Variants in SCRG1 observed in about 807,000 individuals in gnomAD.
SCRG1 encodes the protein scrapie-responsive protein 1.
Under a neutral mutation model 7.7 loss-of-function variants are expected in SCRG1, and 3 were observed. The observed-to-expected ratio is 0.39, with a 90% CI of 0.18 to 1.01. SCRG1 has a LOEUF of 1.01. Ranked by LOEUF, SCRG1 falls within the 50% of genes least tolerant of loss-of-function variation. The pLI is 0.36. For missense variants in SCRG1, 110 were observed against 117.2 expected (o/e 0.94, Z 0.28); for synonymous variants, 46 against 41.2 (o/e 1.12, Z -0.44).
chr4:173,508,024 G>A, the SCRG1 span, among the ~76,000 whole-genome samples: 6 of 152,174 alleles, frequency 3.9e-5, no homozygotes, highest in Non-Finnish European at 8.8e-5. The surrounding 1 kb of genome is among the most constrained non-coding windows in gnomAD (Gnocchi z 4.4). Context: ...TGGATGGAGG[G>A]TGAGATGGGT....
chr4:173,433,681 T>C, the SCRG1 span, among the ~76,000 whole-genome samples: 1 of 152,228 alleles, frequency 6.6e-6, no homozygotes. Context: ...GTGGCCTTTC[T>C]CTGGGCAGCA....
upstream of SCRG1, among the ~76,000 whole-genome samples, chr4:173,409,793 T>G (rs575680881): frequency 1.1e-4 from 16 of 152,184 alleles, no homozygotes; most frequent in Non-Finnish European, 2.1e-4. Flanking sequence ...TTCACCATGT[T>G]GCCCAGGCTG....
At chr4:173,516,470 G>A in the SCRG1 span, among the ~76,000 whole-genome samples, 1 of 152,172 alleles carries the variant, frequency 6.6e-6, no homozygotes, top group Non-Finnish European at 1.5e-5. Flanking sequence ...TGGTATCAAG[G>A]ACGAGTTAGG....
chr4:173,508,103 A>G, the SCRG1 span, among the ~76,000 whole-genome samples: 3 of 152,210 alleles, frequency 2.0e-5, no homozygotes, highest in African/African-American at 7.2e-5. The surrounding 1 kb of genome is among the most constrained non-coding windows in gnomAD (Gnocchi z 4.4). Flanking sequence ...AGCCCGAGAA[A>G]AGCCCTGTCG....
At chr4:173,489,626 T>A in the SCRG1 span, among the ~76,000 whole-genome samples, 1 of 152,216 alleles carries the variant, frequency 6.6e-6, no homozygotes, top group South Asian at 2.1e-4. Context: ...CAACCAGGAT[T>A]GCACAATTGC....
At chr4:173,491,342 T>G in the SCRG1 span, among the ~76,000 whole-genome samples, 1 of 151,890 alleles carries the variant, frequency 6.6e-6, no homozygotes, top group African/African-American at 2.4e-5. Flanking sequence ...GTTGCTGACA[T>G]GGTGGTAGAG....
the SCRG1 span, among the ~76,000 whole-genome samples, chr4:173,430,123 C>T: frequency 6.6e-6 from 1 of 151,922 alleles, no homozygotes; most frequent in Non-Finnish European, 1.5e-5. Context: ...AAATAAAGAA[C>T]TTTTGAATTA....
At chr4:173,393,386 A>G (rs1326198919) in intron 1 of SCRG1, among the ~76,000 whole-genome samples, 1 of 152,156 alleles carries the variant, frequency 6.6e-6, no homozygotes, top group East Asian at 1.9e-4. Flanking sequence ...ACATTAGTGA[A>G]AGAAAAGACT....
chr4:173,510,620 C>T, the SCRG1 span, among the ~76,000 whole-genome samples: 1 of 152,140 alleles, frequency 6.6e-6, no homozygotes, highest in Non-Finnish European at 1.5e-5. The surrounding 1 kb of genome is among the most constrained non-coding windows in gnomAD (Gnocchi z 5.7). Flanking sequence ...TTCTCTCCAA[C>T]GTGGAGATCT....
At chr4:173,497,104 TCAAAAAAA>T in the SCRG1 span, among the ~76,000 whole-genome samples, 1 of 151,864 alleles carries the variant, frequency 6.6e-6, no homozygotes, top group African/African-American at 2.4e-5. Context: ...AGACTCTGTC[TCAAAAAAA>T]CAAAAAAACA....
At chr4:173,389,237 A>G (rs371992438) in intron 2 of SCRG1, among the ~76,000 whole-genome samples, 7 of 152,224 alleles carry the variant, frequency 4.6e-5, no homozygotes, top group African/African-American at 1.7e-4. Flanking sequence ...TTGTTAAAAC[A>G]TAATTGCTGG....
upstream of SCRG1, chr4:173,399,444 A>C (rs7680254): frequency 0.95 from 85,326 of 90,020 alleles, 40,652 homozygotes; most frequent in Non-Finnish European, 1. Context: ...AAGAACACAG[A>C]GTGATTTTTC....
At chr4:173,511,542 A>C in the SCRG1 span, among the ~76,000 whole-genome samples, 25 of 152,038 alleles carry the variant, frequency 1.6e-4, no homozygotes, top group Non-Finnish European at 2.8e-4. The surrounding 1 kb of genome is among the most constrained non-coding windows in gnomAD (Gnocchi z 5.2). Context: ...CTAACTAAGG[A>C]GGGGAGAGGA....
the SCRG1 span, among the ~76,000 whole-genome samples, chr4:173,416,985 C>A: frequency 6.8e-6 from 1 of 146,896 alleles, no homozygotes; most frequent in Non-Finnish European, 1.5e-5. Flanking sequence ...ACACACACAC[C>A]CCACACACAA....
chr4:173,432,291 CT>C, the SCRG1 span, among the ~76,000 whole-genome samples: 18 of 142,878 alleles, frequency 1.3e-4, no homozygotes, highest in Admixed American at 1.0e-3. Context: ...TCCTTCCTTC[CT>C]TCCTCCCCCC....
chr4:173,394,411 G>A (rs1030982951), intron 1 of SCRG1, among the ~76,000 whole-genome samples: 2 of 152,046 alleles, frequency 1.3e-5, no homozygotes, highest in South Asian at 2.1e-4. Context: ...TTGGGAGGCC[G>A]AGGCAGGCAG....
the SCRG1 span, among the ~76,000 whole-genome samples, chr4:173,415,352 C>T: frequency 3.9e-4 from 60 of 152,260 alleles, 2 homozygotes; most frequent in East Asian, 0.011. Context: ...TTGTGTAACC[C>T]CCGTTTCCTT....
At chr4:173,399,592 G>C (rs1739706625), upstream of SCRG1, 1 of 152,358 alleles carries the variant, frequency 6.6e-6, no homozygotes, top group Non-Finnish European at 1.5e-5. Context: ...TAGCCATCTA[G>C]ATCTGTTACA....
the SCRG1 span, among the ~76,000 whole-genome samples, chr4:173,478,191 A>G: frequency 5.9e-5 from 9 of 152,310 alleles, no homozygotes; most frequent in East Asian, 1.7e-3. Flanking sequence ...TCAATGTACT[A>G]TGATTACTCC....
Sources: allele counts gnomAD v4.1 joint callset (sites outside exome capture counted in the v4.1 genomes callset), GRCh38; gene constraint gnomAD v4.1.1; non-coding constraint Gnocchi (gnomAD v3.1); transcripts MANE v1.5; gene names NCBI Gene and HGNC (gene_info 2026-07-23, HGNC 2026-07-21).